FBLN5: variants seen among roughly 807,000 people sequenced by gnomAD.
The protein encoded by FBLN5 is fibulin 5, also known as fibulin-5.
FBLN5 carries 24 observed loss-of-function variants against 61.6 expected under a neutral mutation model. The ratio of observed to expected loss-of-function variants is 0.39; its 90% CI spans 0.28 to 0.55. The LOEUF is 0.55. Among genes scored for constraint, FBLN5 ranks in the 20% least tolerant of loss-of-function variants. The pLI is 0.65. For missense variants in FBLN5, 470 were observed against 594.1 expected (o/e 0.79, Z 2.17); for synonymous variants, 213 against 219.8 (o/e 0.97, Z 0.27).
chr14:91,926,734 T>C (rs566292881), intron 4 of FBLN5, among the ~76,000 whole-genome samples: 1 of 151,128 alleles, frequency 6.6e-6, no homozygotes, highest in East Asian at 2.0e-4. Flanking sequence ...GCAAACAGAG[T>C]TGCTGCTCCT....
At chr14:91,886,020 A>C (rs1197049011) in intron 7 of FBLN5, among the ~76,000 whole-genome samples, 1 of 152,182 alleles carries the variant, frequency 6.6e-6, no homozygotes, top group Non-Finnish European at 1.5e-5. Flanking sequence ...AGAGGTGTTC[A>C]TCTGTTTCAT....
At chr14:91,921,710 T>A (rs2055737670) in intron 4 of FBLN5, among the ~76,000 whole-genome samples, 2 of 152,056 alleles carry the variant, frequency 1.3e-5, no homozygotes, top group Non-Finnish European at 1.5e-5. Flanking sequence ...TGAGTAGGAC[T>A]CTCTAAGGGG....
intron 4 of FBLN5, among the ~76,000 whole-genome samples, chr14:91,910,561 CAT>C (rs1890876120): frequency 1.3e-5 from 2 of 152,202 alleles, no homozygotes; most frequent in African/African-American, 4.8e-5. Context: ...TAAATCAAAA[CAT>C]ATTTCTTCAT....
In FBLN5 at chr14:91,888,019, C is replaced by G. The variant is rs535394332; in HGVS notation, c.620-707G>C. 1.3e-4 allele frequency among the ~76,000 whole-genome samples: 20 copies of G among 152,294 alleles called. No homozygotes were observed. The South Asian group carries it at 3.7e-3, about 28-fold the overall frequency. On this transcript the variant is annotated intron_variant, in intron 6 of 10. Coordinates refer to ENST00000342058, the MANE Select transcript of FBLN5 (RefSeq NM_006329.4). ...AGATTGTTTAAGCATTTTTGAAGGA[C>G]CAGGCATAGTGGCTCATGCCTGTAA...
At chr14:91,945,115 C>T (rs2056163219) in intron 1 of FBLN5, among the ~76,000 whole-genome samples, 1 of 151,858 alleles carries the variant, frequency 6.6e-6, no homozygotes, top group Non-Finnish European at 1.5e-5. Flanking sequence ...CCTGTAGTCC[C>T]AGCTACTCTG....
At chr14:91,898,011 C>G (rs968650919) in intron 4 of FBLN5, among the ~76,000 whole-genome samples, 9 of 152,168 alleles carry the variant, frequency 5.9e-5, no homozygotes, top group Non-Finnish European at 8.8e-5. Flanking sequence ...GACTGCACCA[C>G]TGACCTCTAG....
At chr14:91,888,025 A>G (rs138304120) in intron 6 of FBLN5, among the ~76,000 whole-genome samples, 3 of 152,328 alleles carry the variant, frequency 2.0e-5, no homozygotes, top group South Asian at 2.1e-4. Flanking sequence ...AGGACCAGGC[A>G]TAGTGGCTCA....
intron 10 of FBLN5, among the ~76,000 whole-genome samples, chr14:91,876,558 A>G (rs1239746752): frequency 1.3e-5 from 2 of 152,212 alleles, no homozygotes; most frequent in Non-Finnish European, 2.9e-5. Flanking sequence ...AGGTGTTAAT[A>G]TAAGAAGGAG....
At chr14:91,905,547 G>A (rs1235770703) in intron 4 of FBLN5, among the ~76,000 whole-genome samples, 1 of 151,328 alleles carries the variant, frequency 6.6e-6, no homozygotes, top group African/African-American at 2.4e-5. Context: ...AACAAGTTAC[G>A]AGAAACAGGC....
Position 91,878,050 on chromosome 14 carries a change from C to CA in FBLN5, c.990-369dup, listed in dbSNP as rs745443753. The CA allele has an allele frequency of 6.2e-4, 252 of 407,296 alleles. 1 individual carries two copies. The highest frequency in any genetic ancestry group is 2.7e-3 in the African/African-American group (124 of 46,524). The allele number at this position is 407,296 out of a possible 1,614,324, so 25.2% of individuals were successfully genotyped here. A position where few individuals can be genotyped will look rare whatever the true frequency, so the allele number is the denominator to read the frequency against. ...AAGACCCTGTCTCAAAAAAACAAAACAAAAAAAAAGGAAGAAAGAAAGAAA... is the reference window on the plus strand; with the variant it reads ...AAGACCCTGTCTCAAAAAAACAAAACAAAAAAAAAAGGAAGAAAGAAAGAAA... On this transcript the variant is annotated intron_variant, in intron 9 of 10. Coordinates refer to ENST00000342058, the MANE Select transcript of FBLN5 (RefSeq NM_006329.4).
chr14:91,895,052 C>A lies in FBLN5; in HGVS notation c.400G>T (p.Asp134Tyr). ...TGGGTGGGGTTGCACTGGTGGGAAT[C>A]TGTTGCACACTCGTCCACATCTGTA... ...QCVDVDECAT[D>Y]SHQCNPTQIC... The change falls in exon 5 of 11, where the codon GAT (aspartate) becomes TAT (tyrosine). Residue 134 changes from aspartate to tyrosine, a missense_variant. Physicochemically the swap from Asp to Tyr is radical, Grantham distance 160 (BLOSUM62 -3). Transcript: ENST00000342058. The A allele has an allele frequency of 6.2e-7, 1 of 1,614,148 alleles. No homozygotes were observed. Among genetic ancestry groups the A allele is most frequent in the Non-Finnish European group, 8.5e-7 (1 of 1,180,008 alleles).
Position 91,937,161 on chromosome 14 carries a change from T to C in FBLN5, c.165A>G (p.Gly55=), listed in dbSNP as rs1333360543. The C allele has an allele frequency of 1.2e-6, 2 of 1,613,976 alleles. No homozygotes were observed. The highest frequency in any genetic ancestry group is 1.7e-5 in the Admixed American group (1 of 59,980). The change falls in exon 4 of 11, where the codon GGA becomes GGG. Residue 55 remains glycine (G), a synonymous_variant. Coordinates refer to ENST00000342058, the MANE Select transcript of FBLN5 (RefSeq NM_006329.4). ...ECRTIPEACR[G]DMMCVNQNGG... The stretch of plus-strand genomic sequence containing the variant: ...CATTTTGGTTAACACACATCATGTC[T>C]CCTCGGCAGGCCTCGGGGATGGTTC...
chr14:91,944,810 G>A (rs906973219), intron 1 of FBLN5, among the ~76,000 whole-genome samples: 7 of 152,210 alleles, frequency 4.6e-5, no homozygotes, highest in African/African-American at 1.7e-4. Flanking sequence ...AGGGGAAGAT[G>A]GGGAATTGTT....
In FBLN5 at chr14:91,870,156, G is replaced by C; in HGVS notation, c.*68C>G. ...CGTCTGTGTCGCTCTCATTCTCTCT[G>C]TTATTTCCTCTCTTCTCCTGTCCCT... is the stretch of plus-strand genomic sequence containing the variant. On this transcript the variant is annotated 3_prime_UTR_variant, in exon 11 of 11. Coordinates refer to ENST00000342058, the MANE Select transcript of FBLN5 (RefSeq NM_006329.4). 2 of 1,490,526 alleles carry C rather than the reference G, an allele frequency of 1.3e-6. No individual in the cohort carries two copies. The highest frequency in any genetic ancestry group is 1.9e-6 in the Non-Finnish European group (2 of 1,068,102). The allele number at this position is 1,490,526 out of a possible 1,614,324, so 92.3% of individuals were successfully genotyped here.
At chr14:91,884,060 G>T (rs750692510) in intron 7 of FBLN5, among the ~76,000 whole-genome samples, 1 of 152,142 alleles carries the variant, frequency 6.6e-6, no homozygotes, top group East Asian at 1.9e-4. Flanking sequence ...ACATGTCCTC[G>T]GATTACTCTC....
At chr14:91,871,360 C>A (rs1403516180) in intron 10 of FBLN5, among the ~76,000 whole-genome samples, 2 of 152,086 alleles carry the variant, frequency 1.3e-5, no homozygotes, top group South Asian at 4.1e-4. Context: ...AAGAACCCCC[C>A]TCTAGGCACC....
Position 91,947,242 on chromosome 14 carries a change from C to G in FBLN5, c.-13G>C. On this transcript the variant is annotated 5_prime_UTR_variant, in exon 1 of 11. Coordinates refer to ENST00000342058, the MANE Select transcript of FBLN5 (RefSeq NM_006329.4). The surrounding 1 kb of genome is among the most constrained non-coding windows in gnomAD (Gnocchi z 4.3). Reference sequence around the variant, plus strand: ...TTATTCCTGGCATGTCCAAGACGCGCGAGGAGGAGATGCGAAGGCGAGAAG... The same window carrying G: ...TTATTCCTGGCATGTCCAAGACGCGGGAGGAGGAGATGCGAAGGCGAGAAG... 2 of 1,614,080 alleles carry G rather than the reference C, an allele frequency of 1.2e-6. No homozygotes were observed. The highest frequency in any genetic ancestry group is 1.7e-6 in the Non-Finnish European group (2 of 1,180,030).
At chr14:91,921,366 A>C (rs2055731139) in intron 4 of FBLN5, among the ~76,000 whole-genome samples, 1 of 152,188 alleles carries the variant, frequency 6.6e-6, no homozygotes, top group African/African-American at 2.4e-5. Context: ...ACAGGTACTT[A>C]GCAAGCACCA....
intron 7 of FBLN5, among the ~76,000 whole-genome samples, chr14:91,884,911 C>T (rs1328416698): frequency 6.6e-6 from 1 of 152,214 alleles, no homozygotes; most frequent in Non-Finnish European, 1.5e-5. Flanking sequence ...AGCTGAAATA[C>T]AAGCCCAGTT....
Sources: gnomAD v4.1 joint callset for allele counts (sites outside exome capture counted in the v4.1 genomes callset) on GRCh38, gnomAD v4.1.1 for gene constraint, Gnocchi (gnomAD v3.1) non-coding constraint, MANE v1.5 for transcripts, NCBI Gene and HGNC (gene_info 2026-07-23, HGNC 2026-07-21) for gene names.